The following MAPK1IP1L variants were observed in gnomAD, a reference collection of about 807,000 sequenced individuals.
The protein encoded by MAPK1IP1L is MAPK-interacting and spindle-stabilizing protein-like.
Under a neutral mutation model 18.1 loss-of-function variants are expected in MAPK1IP1L, and 10 were observed. That is an observed-to-expected ratio of 0.55 (90% CI 0.34 to 0.94). The LOEUF (loss-of-function observed/expected upper bound fraction) is 0.94, where lower values mean the gene tolerates loss of function less well. Among genes scored for constraint, MAPK1IP1L ranks in the 40% least tolerant of loss-of-function variants. The pLI is 0.02. For missense variants in MAPK1IP1L, 260 were observed against 318.2 expected, an observed-to-expected ratio of 0.82 and a Z score of 1.39; for synonymous variants, 115 against 117.3, an observed-to-expected ratio of 0.98 and a Z score of 0.13.
chr14:55,064,061 A>AAGAGTGC (rs1416258658), intron 3 of MAPK1IP1L: 1 of 130,032 alleles, frequency 7.7e-6, no homozygotes, highest in East Asian at 2.4e-4. Flanking sequence ...TCACCCAGGC[A>AAGAGTGC]AGAGTGCAGT....
Position 55,066,798 on chromosome 14 carries a change from T to C in MAPK1IP1L, c.*2171T>C, listed in dbSNP as rs1374767751. ...TTGGGATTATTACTCCCTATAAGTA[T>C]AATAATTTTGCTAGTGACCCATACT... On this transcript the variant is annotated 3_prime_UTR_variant, in exon 4 of 4. Coordinates refer to ENST00000395468, the MANE Select transcript of MAPK1IP1L (RefSeq NM_144578.4). 1.3e-5 allele frequency: 2 copies of C among 152,178 alleles called. No individual in the cohort carries two copies. Among genetic ancestry groups the C allele is most frequent in the African/African-American group, 4.8e-5 (2 of 41,448 alleles). 9.4% of individuals were successfully genotyped at this position (152,178 alleles called of 1,614,324 possible).
At position 55,069,332 on chromosome 14, in the gene MAPK1IP1L, T is replaced by A. The variant is rs1460068313; in HGVS notation, c.*4705T>A. On this transcript the variant is annotated 3_prime_UTR_variant, in exon 4 of 4. Transcript: ENST00000395468. ...AAATGTGATTTGAGACATATACATATGTTTGTATTATAAATTGTAAGCAAT... is the reference window on the plus strand; with the variant it reads ...AAATGTGATTTGAGACATATACATAAGTTTGTATTATAAATTGTAAGCAAT... 6.6e-6 allele frequency: 1 copy of A among 152,666 alleles called. No individual in the cohort carries two copies. Among genetic ancestry groups the A allele is most frequent in the African/African-American group, 2.4e-5 (1 of 41,468 alleles). 9.5% of individuals were successfully genotyped at this position (152,666 alleles called of 1,614,324 possible).
chr14:55,061,000 A>G (rs1335624866), intron 1 of MAPK1IP1L, among the ~76,000 whole-genome samples: 1 of 151,918 alleles, frequency 6.6e-6, no homozygotes, highest in Non-Finnish European at 1.5e-5. Context: ...ATTTTAAGAA[A>G]TTTGCTGGGC....
At chr14:55,062,170 A>C (rs1160576979) in intron 2 of MAPK1IP1L, among the ~76,000 whole-genome samples, 1 of 152,208 alleles carries the variant, frequency 6.6e-6, no homozygotes, top group Non-Finnish European at 1.5e-5. Context: ...TATACCAGGC[A>C]CTCTGTGAAA....
At chr14:55,055,852 C>A (rs2042767313) in intron 1 of MAPK1IP1L, among the ~76,000 whole-genome samples, 1 of 152,144 alleles carries the variant, frequency 6.6e-6, no homozygotes, top group Non-Finnish European at 1.5e-5. Flanking sequence ...ATCACTTAAA[C>A]CTGGGAGGCG....
chr14:55,066,992 G>C lies in MAPK1IP1L; in HGVS notation c.*2365G>C, dbSNP rs1454646359. 2 of 151,308 alleles carry C rather than the reference G, an allele frequency of 1.3e-5. No individual in the cohort carries two copies. The highest frequency in any genetic ancestry group is 4.9e-5 in the African/African-American group (2 of 41,170). 9.4% of individuals were successfully genotyped at this position (151,308 alleles called of 1,614,324 possible). On this transcript the variant is annotated 3_prime_UTR_variant, in exon 4 of 4. Coordinates refer to ENST00000395468, the MANE Select transcript of MAPK1IP1L (RefSeq NM_144578.4). ...GGTTCACTGCAAGCTCCATCTCCCA[G>C]GTTCACACCATTCTCCTGCCTCAGC... is the stretch of plus-strand genomic sequence containing the variant.
At chr14:55,051,911 C>T (rs1328378544) in intron 1 of MAPK1IP1L, 108 bp downstream of exon 1, 14 of 411,208 alleles carry the variant, frequency 3.4e-5, no homozygotes, top group African/African-American at 1.7e-4. Flanking sequence ...GACCGAGGTG[C>T]ATCGAGTCAC....
intron 1 of MAPK1IP1L, among the ~76,000 whole-genome samples, chr14:55,060,048 C>T (rs1371877195): frequency 6.6e-6 from 1 of 151,268 alleles, no homozygotes; most frequent in African/African-American, 2.4e-5. Flanking sequence ...ATCCAGAAGC[C>T]ACGTATAGGA....
In MAPK1IP1L at chr14:55,067,605, A is replaced by C. The variant is rs1029583566; in HGVS notation, c.*2978A>C. On this transcript the variant is annotated 3_prime_UTR_variant, in exon 4 of 4. Transcript: ENST00000395468. The stretch of plus-strand genomic sequence containing the variant: ...TTTTAGTAGAGACGGGGGTTTCACC[A>C]TGTTGGCCAGGGTGGTCTGAAACTC... 1 of 150,560 alleles carries C rather than the reference A, an allele frequency of 6.6e-6. No homozygotes were observed. The highest frequency in any genetic ancestry group is 1.5e-5 in the Non-Finnish European group (1 of 67,516). 9.3% of individuals were successfully genotyped at this position (150,560 alleles called of 1,614,324 possible).
At position 55,063,578 on chromosome 14, in the gene MAPK1IP1L, T is replaced by A. The variant is rs3742565; in HGVS notation, c.726+253T>A. ...AAAGACTTTGTAATGTAGTAAGCAG[T>A]GTCCTCAATAGCATCCTTTAGGTAA... On this transcript the variant is annotated intron_variant, in intron 3 of 3. Transcript: ENST00000395468. 3.2e-4 allele frequency among the ~76,000 whole-genome samples: 48 copies of A among 152,360 alleles called. No individual in the cohort carries two copies. In the East Asian group the frequency reaches 7.1e-3, roughly 23 times the overall value.
intron 1 of MAPK1IP1L, among the ~76,000 whole-genome samples, chr14:55,059,729 C>T (rs2042801430): frequency 6.6e-6 from 1 of 152,164 alleles, no homozygotes; most frequent in Admixed American, 6.5e-5. Flanking sequence ...ACTTGCCAAG[C>T]TTCCTCTTCT....
At chr14:55,059,975 AC>A (rs1251978496) in intron 1 of MAPK1IP1L, among the ~76,000 whole-genome samples, 1 of 152,150 alleles carries the variant, frequency 6.6e-6, no homozygotes, top group East Asian at 1.9e-4. Flanking sequence ...AAGAAGTTAA[AC>A]CATAAAAATA....
At chr14:55,058,988 TTTATATCAGGTAC>T (rs1374862997) in intron 1 of MAPK1IP1L, among the ~76,000 whole-genome samples, 2 of 151,836 alleles carry the variant, frequency 1.3e-5, no homozygotes, top group Non-Finnish European at 2.9e-5. Context: ...ACTACACCAT[TTTATATCAGGTAC>T]TTGAGCATCC....
chr14:55,059,243 A>AAAAAAAAC (rs2042796771), intron 1 of MAPK1IP1L, among the ~76,000 whole-genome samples: 1 of 151,336 alleles, frequency 6.6e-6, no homozygotes, highest in African/African-American at 2.4e-5. Context: ...AAAAAAAAAA[A>AAAAAAAAC]AAGACAGTAG....
chr14:55,060,208 G>A (rs1010965718), intron 1 of MAPK1IP1L, among the ~76,000 whole-genome samples: 5 of 110,012 alleles, frequency 4.5e-5, no homozygotes, highest in East Asian at 3.2e-4. Flanking sequence ...GTAGCCCTCC[G>A]TTGCCCAGGC....
At chr14:55,064,491 A>G in intron 3 of MAPK1IP1L, 125 bp from the exon 4 acceptor site, 2 of 744,320 alleles carry the variant, frequency 2.7e-6, no homozygotes, top group South Asian at 1.7e-5. Context: ...AGTGTATGCC[A>G]GAGTAAATGA....
At position 55,070,172 on chromosome 14, in the gene MAPK1IP1L, T is replaced by C. The variant is rs2042894410; in HGVS notation, c.*5545T>C. On this transcript the variant is annotated 3_prime_UTR_variant, in exon 4 of 4. Coordinates refer to ENST00000395468, the MANE Select transcript of MAPK1IP1L (RefSeq NM_144578.4). ...TGGAGTTATGAAATGGATGGTGAAATAATAAGACCATTCTGGAGCAGGGCC... is the reference window on the plus strand; with the variant it reads ...TGGAGTTATGAAATGGATGGTGAAACAATAAGACCATTCTGGAGCAGGGCC... 6.6e-6 allele frequency: 1 copy of C among 152,184 alleles called. No homozygotes were observed. 9.4% of individuals were successfully genotyped at this position (152,184 alleles called of 1,614,324 possible).
intron 1 of MAPK1IP1L, among the ~76,000 whole-genome samples, chr14:55,052,483 C>T (rs1484428718): frequency 2.0e-5 from 3 of 152,238 alleles, no homozygotes; most frequent in Admixed American, 6.5e-5. Flanking sequence ...CCTGCGATAG[C>T]GTATGCATAG....
intron 3 of MAPK1IP1L, 117 bp from the exon 4 acceptor site, chr14:55,064,499 T>C (rs1390721953): frequency 3.7e-6 from 3 of 805,382 alleles, no homozygotes; most frequent in Non-Finnish European, 6.2e-6. Context: ...CCAGAGTAAA[T>C]GATGTGACTT....
Sources: gnomAD v4.1 joint callset for allele counts (sites outside exome capture counted in the v4.1 genomes callset) on GRCh38, gnomAD v4.1.1 for gene constraint, MANE v1.5 for transcripts, NCBI Gene and HGNC (gene_info 2026-07-23, HGNC 2026-07-21) for gene names.